The following ADAMTS2 variants were observed in gnomAD, a reference collection of about 807,000 sequenced individuals.
ADAMTS2 encodes A disintegrin and metalloproteinase with thrombospondin motifs 2.
In ADAMTS2, 50 loss-of-function variants were observed where a neutral mutation model predicts 123.0. The ratio of observed to expected loss-of-function variants is 0.41; its 90% CI spans 0.32 to 0.51. ADAMTS2 has a LOEUF of 0.51. Ranked by LOEUF, ADAMTS2 falls within the 20% of genes least tolerant of loss-of-function variation. ADAMTS2 has a pLI of 0.35. For synonymous variants in ADAMTS2, 678 were observed against 695.4 expected (o/e 0.98, Z 0.39); for missense variants, 1,494 against 1,705.2 (o/e 0.88, Z 2.18).
At chr5:179,301,755 T>C (rs528556536) in intron 2 of ADAMTS2, among the ~76,000 whole-genome samples, 21 of 152,376 alleles carry the variant, frequency 1.4e-4, no homozygotes, top group African/African-American at 5.0e-4. Context: ...ACCCATCCTC[T>C]GGGAAAAGAC....
At chr5:179,149,754 G>A (rs1763317272) in intron 10 of ADAMTS2, among the ~76,000 whole-genome samples, 1 of 152,166 alleles carries the variant, frequency 6.6e-6, no homozygotes, top group Non-Finnish European at 1.5e-5. Flanking sequence ...AGCCCGGGAG[G>A]AGCCCGTCTT....
chr5:179,178,069 T>C lies in ADAMTS2; in HGVS notation c.975+3003A>G, dbSNP rs563128545. 4.6e-5 allele frequency among the ~76,000 whole-genome samples: 7 copies of C among 152,216 alleles called. No homozygotes were observed. In the South Asian group the frequency reaches 1.5e-3, roughly 32 times the overall value. On this transcript the variant is annotated intron_variant, in intron 5 of 21. Coordinates refer to ENST00000251582, the MANE Select transcript of ADAMTS2 (RefSeq NM_014244.5). The stretch of plus-strand genomic sequence containing the variant: ...CCCTTTCTAGCCCCAGGACCAGGAG[T>C]TTCCCATTTTTGGAAACTTCCAAAA...
At chr5:179,176,086 T>C (rs1763924332) in intron 5 of ADAMTS2, among the ~76,000 whole-genome samples, 1 of 152,238 alleles carries the variant, frequency 6.6e-6, no homozygotes, top group African/African-American at 2.4e-5. Context: ...TATAGTCCTC[T>C]GTAACATCTA....
At chr5:179,330,742 C>T (rs1295754167) in intron 2 of ADAMTS2, among the ~76,000 whole-genome samples, 1 of 152,224 alleles carries the variant, frequency 6.6e-6, no homozygotes, top group Non-Finnish European at 1.5e-5. Flanking sequence ...CATCGGGCCA[C>T]CCTCCCCAGT....
chr5:179,291,616 CCACCA>C (rs1303502390), intron 2 of ADAMTS2, among the ~76,000 whole-genome samples: 1 of 152,210 alleles, frequency 6.6e-6, no homozygotes, highest in East Asian at 1.9e-4. Context: ...GGGAGTGTGC[CCACCA>C]TTAAACGAGG....
At chr5:179,321,917 T>C (rs1024965370) in intron 2 of ADAMTS2, among the ~76,000 whole-genome samples, 1 of 152,024 alleles carries the variant, frequency 6.6e-6, no homozygotes, top group African/African-American at 2.4e-5. Context: ...GTTTCCTGAG[T>C]AGATTATGCT....
At chr5:179,206,038 C>T (rs943096156) in intron 4 of ADAMTS2, among the ~76,000 whole-genome samples, 8 of 152,258 alleles carry the variant, frequency 5.3e-5, no homozygotes, top group Non-Finnish European at 4.4e-5. Context: ...GGATTACAGG[C>T]GTGAGCCACC....
intron 3 of ADAMTS2, among the ~76,000 whole-genome samples, chr5:179,236,671 G>A (rs1389776565): frequency 6.6e-6 from 1 of 152,204 alleles, no homozygotes; most frequent in Non-Finnish European, 1.5e-5. Flanking sequence ...TGCACCTGCA[G>A]TCCCAGCTAC....
rs4701049 is a variant in ADAMTS2 at position 179,118,213 on chromosome 5, G to C, written c.3178+3448C>G. Among the ~76,000 whole-genome samples the C allele has an allele frequency of 0.3, 46,299 of 152,204 alleles. 7,151 individuals carry two copies. Among genetic ancestry groups the C allele is most frequent in the South Asian group, 0.39 (1,856 of 4,816 alleles). On this transcript the variant is annotated intron_variant, in intron 21 of 21. Coordinates refer to ENST00000251582, the MANE Select transcript of ADAMTS2 (RefSeq NM_014244.5). This position sits in a 1 kb window ranked among gnomAD's most constrained non-coding sequence, Gnocchi z 4.5. ...AGAGATTGACTATGCAAATAGCCTA[G>C]GAAAATTTCAAAATAGCCTAGAAAA...
At chr5:179,321,441 C>T (rs1056141599) in intron 2 of ADAMTS2, among the ~76,000 whole-genome samples, 2 of 152,198 alleles carry the variant, frequency 1.3e-5, no homozygotes, top group African/African-American at 4.8e-5. Flanking sequence ...GCAAAGCCCC[C>T]TCTTGGCTGC....
intron 2 of ADAMTS2, among the ~76,000 whole-genome samples, chr5:179,293,119 G>A (rs1561697567): frequency 6.6e-6 from 1 of 152,152 alleles, no homozygotes; most frequent in Non-Finnish European, 1.5e-5. Context: ...GTGCTAACCT[G>A]AAGCCGCTCC....
In ADAMTS2 at chr5:179,170,062, C is replaced by T. The variant is rs1457498359; in HGVS notation, c.975+11010G>A. ...AACCTCAAGTGTTGCCGATGCTCTG[C>T]TCCCTGGCTGGTGGTATATTGTATA... On this transcript the variant is annotated intron_variant, in intron 5 of 21. Transcript: ENST00000251582. This position sits in a 1 kb window ranked among gnomAD's most constrained non-coding sequence, Gnocchi z 4.3. Among the ~76,000 whole-genome samples the T allele has an allele frequency of 2.0e-5, 3 of 152,190 alleles. No individual in the cohort carries two copies. The East Asian group carries it at 5.8e-4, about 29-fold the overall frequency.
At chr5:179,114,940 A>G (rs4701048) in intron 21 of ADAMTS2, among the ~76,000 whole-genome samples, 73,175 of 152,006 alleles carry the variant, frequency 0.48, 18,346 homozygotes, top group African/African-American at 0.63. Flanking sequence ...AACATCACCC[A>G]AACCTGCATG....
chr5:179,182,059 T>C (rs3797600), intron 4 of ADAMTS2, among the ~76,000 whole-genome samples: 78,237 of 151,908 alleles, frequency 0.52, 21,571 homozygotes, highest in East Asian at 0.8. Context: ...AACCAAACCC[T>C]ACTCCTCCTC....
Position 179,345,404 on chromosome 5 carries a change from T to C in ADAMTS2, c.-76A>G. ...CCCCGCGAGCCGCCCAGCCCACATC[T>C]GGGGGCAGCTGGAGCCGCCCGCAGC... On this transcript the variant is annotated 5_prime_UTR_variant, in exon 1 of 22. Coordinates refer to ENST00000251582, the MANE Select transcript of ADAMTS2 (RefSeq NM_014244.5). This position sits in a 1 kb window ranked among gnomAD's most constrained non-coding sequence, Gnocchi z 7.5. 5.9e-6 allele frequency: 6 copies of C among 1,010,798 alleles called. No homozygotes were observed. In the South Asian group the frequency reaches 2.3e-4, roughly 38 times the overall value. The allele number at this position is 1,010,798 out of a possible 1,614,324, so 62.6% of individuals were successfully genotyped here. A position where few individuals can be genotyped will look rare whatever the true frequency, so the allele number is the denominator to read the frequency against.
Position 179,338,347 on chromosome 5 carries a change from C to T in ADAMTS2, c.534+5420G>A, listed in dbSNP as rs931886323. Among the ~76,000 whole-genome samples the T allele has an allele frequency of 3.9e-5, 6 of 152,284 alleles. No homozygotes were observed. In the East Asian group the frequency reaches 1.2e-3, roughly 29 times the overall value. ...CACGGTGGCTGGCTCACAGGAAAAC[C>T]GCAGGGACTGGGTTCAAAGCCCCAG... On this transcript the variant is annotated intron_variant, in intron 2 of 21. Transcript: ENST00000251582.
At chr5:179,316,834 T>C (rs1757013799) in intron 2 of ADAMTS2, among the ~76,000 whole-genome samples, 1 of 152,234 alleles carries the variant, frequency 6.6e-6, no homozygotes, top group Non-Finnish European at 1.5e-5. Context: ...TTCAGCTACT[T>C]TGGAGGCTGA....
intron 2 of ADAMTS2, among the ~76,000 whole-genome samples, chr5:179,320,019 C>G (rs778070102): frequency 6.6e-6 from 1 of 152,238 alleles, no homozygotes; most frequent in Non-Finnish European, 1.5e-5. Context: ...GCTCCTGGAG[C>G]AGCCGGTGAT....
intron 3 of ADAMTS2, among the ~76,000 whole-genome samples, chr5:179,250,900 A>AT (rs1561635046): frequency 9.2e-5 from 14 of 152,216 alleles, no homozygotes; most frequent in Non-Finnish European, 1.9e-4. Context: ...TCCTGCCCGC[A>AT]CATTGCTTCC....
Sources: allele counts gnomAD v4.1 joint callset (sites outside exome capture counted in the v4.1 genomes callset), GRCh38; gene constraint gnomAD v4.1.1; non-coding constraint Gnocchi (gnomAD v3.1); transcripts MANE v1.5; gene names NCBI Gene and HGNC (gene_info 2026-07-23, HGNC 2026-07-21).